PCDH15: variants seen among roughly 807,000 people sequenced by gnomAD.
The protein encoded by PCDH15 is protocadherin related 15.
A neutral mutation model predicts 178.5 loss-of-function variants in PCDH15; 129 were observed. That is an observed-to-expected ratio of 0.72 (90% CI 0.63 to 0.84). The LOEUF (loss-of-function observed/expected upper bound fraction) is 0.84, where lower values mean the gene tolerates loss of function less well. PCDH15 is among the 40% of genes least tolerant of loss of function. The pLI, the probability that PCDH15 is intolerant of heterozygous loss-of-function variation, is 0.00. For missense variants in PCDH15, 2,230 were observed against 2,099.9 expected, an observed-to-expected ratio of 1.06 and a Z score of -1.21; for synonymous variants, 800 against 732.0, an observed-to-expected ratio of 1.09 and a Z score of -1.50.
chr10:54,438,116 C>T (rs968266010), intron 3 of PCDH15, among the ~76,000 whole-genome samples: 2 of 151,928 alleles, frequency 1.3e-5, no homozygotes, highest in African/African-American at 4.8e-5. Flanking sequence ...AAACATTTTC[C>T]CTACCTGTTC....
At chr10:55,544,859 G>A (rs866807277) in intron 2 of PCDH15, among the ~76,000 whole-genome samples, 7 of 151,972 alleles carry the variant, frequency 4.6e-5, no homozygotes, top group Non-Finnish European at 1.0e-4. Flanking sequence ...TACACGTAAA[G>A]GTAAAGGAGG....
chr10:54,025,788 C>A (rs1254865410), intron 18 of PCDH15, among the ~76,000 whole-genome samples: 1 of 152,186 alleles, frequency 6.6e-6, no homozygotes, highest in African/African-American at 2.4e-5. Context: ...TGAGCCACTG[C>A]GCCTGGCCAT....
intron 8 of PCDH15, among the ~76,000 whole-genome samples, chr10:54,261,755 C>T (rs1202178068): frequency 2.0e-5 from 3 of 151,886 alleles, no homozygotes; most frequent in Non-Finnish European, 2.9e-5. Flanking sequence ...GGAGGAAGCA[C>T]AGAAAGTAAA....
intron 1 of PCDH15, among the ~76,000 whole-genome samples, chr10:55,275,711 T>A (rs866305626): frequency 3.3e-5 from 5 of 151,710 alleles, no homozygotes; most frequent in African/African-American, 9.7e-5. Flanking sequence ...CTCTCTTTTT[T>A]TTTTTTTCCT....
intron 16 of PCDH15, among the ~76,000 whole-genome samples, chr10:54,081,498 G>C (rs1361432905): frequency 6.6e-6 from 1 of 152,032 alleles, no homozygotes; most frequent in Non-Finnish European, 1.5e-5. Context: ...TAATACGCGG[G>C]CCTTGCGACT....
At chr10:54,752,773 G>C (rs1190690079) in intron 1 of PCDH15, among the ~76,000 whole-genome samples, 4 of 142,056 alleles carry the variant, frequency 2.8e-5, no homozygotes, top group African/African-American at 1.0e-4. Flanking sequence ...CCGTCAGGAA[G>C]GATTTGCACT....
Position 55,559,566 on chromosome 10 carries a change from G to C in PCDH15, c.-156+68059C>G, listed in dbSNP as rs574540994. 3.9e-5 allele frequency among the ~76,000 whole-genome samples: 6 copies of C among 152,062 alleles called. No individual in the cohort carries two copies. The South Asian group carries it at 1.2e-3, about 32-fold the overall frequency. On this transcript the variant is annotated intron_variant, in intron 2 of 5. Coordinates refer to the PCDH15 transcript ENST00000613346. ...CATTATTTACTTTATCACAAGTAAAGATAGTTAATAGGTTTGTTTTTACTA... is the reference window on the plus strand; with the variant it reads ...CATTATTTACTTTATCACAAGTAAACATAGTTAATAGGTTTGTTTTTACTA...
intron 1 of PCDH15, among the ~76,000 whole-genome samples, chr10:55,303,921 C>T (rs936806815): frequency 1.3e-5 from 2 of 152,086 alleles, no homozygotes; most frequent in African/African-American, 4.8e-5. Context: ...TTCCTTCATT[C>T]TGTTGCATAG....
At chr10:53,884,768 C>T (rs2080974060) in intron 26 of PCDH15, among the ~76,000 whole-genome samples, 2 of 152,088 alleles carry the variant, frequency 1.3e-5, no homozygotes, top group Admixed American at 6.6e-5. Flanking sequence ...ATTAGTGATG[C>T]TACTTCATTA....
intron 2 of PCDH15, among the ~76,000 whole-genome samples, chr10:55,146,480 A>C (rs931361523): frequency 6.6e-6 from 1 of 151,972 alleles, no homozygotes; most frequent in Non-Finnish European, 1.5e-5. Context: ...GCCTACGCTT[A>C]GTTGTCTTGT....
At chr10:54,298,471 C>A (rs1452136377) in intron 8 of PCDH15, among the ~76,000 whole-genome samples, 2 of 152,174 alleles carry the variant, frequency 1.3e-5, no homozygotes, top group Non-Finnish European at 2.9e-5. Context: ...GAAAATGGAG[C>A]AGGCCAATCA....
intron 3 of PCDH15, among the ~76,000 whole-genome samples, chr10:54,824,827 T>C (rs1341083610): frequency 1.3e-5 from 2 of 152,138 alleles, no homozygotes; most frequent in Non-Finnish European, 1.5e-5. Context: ...ATGTTATCTT[T>C]CTTTATTATC....
intron 11 of PCDH15, among the ~76,000 whole-genome samples, chr10:54,192,115 A>G (rs201712208): frequency 7.8e-6 from 1 of 128,454 alleles, no homozygotes; most frequent in Non-Finnish European, 1.6e-5. Context: ...AAGAAAAAAA[A>G]AAAAGAAAGA....
intron 2 of PCDH15, among the ~76,000 whole-genome samples, chr10:55,345,806 AT>A (rs1392343274): frequency 6.6e-6 from 1 of 151,870 alleles, no homozygotes; most frequent in Non-Finnish European, 1.5e-5. Flanking sequence ...TTTTGAGAGG[AT>A]TTTTTTCAAG....
chr10:54,872,677 T>A (rs1954060303), intron 3 of PCDH15, among the ~76,000 whole-genome samples: 1 of 152,100 alleles, frequency 6.6e-6, no homozygotes, highest in Non-Finnish European at 1.5e-5. Context: ...GATTTCCTCA[T>A]CAACAGCCTT....
chr10:55,488,925 A>C (rs1443034647), intron 2 of PCDH15, among the ~76,000 whole-genome samples: 3 of 151,534 alleles, frequency 2.0e-5, no homozygotes, highest in Admixed American at 2.0e-4. Flanking sequence ...TGCAATAAAA[A>C]GTGTTGTAAT....
intron 2 of PCDH15, among the ~76,000 whole-genome samples, chr10:55,055,888 T>C (rs563171793): frequency 6.6e-6 from 1 of 152,228 alleles, no homozygotes; most frequent in South Asian, 2.1e-4. Flanking sequence ...CAAATATATG[T>C]TTTGTTTTGA....
chr10:55,126,648 T>A (rs2132072430), intron 2 of PCDH15, among the ~76,000 whole-genome samples: 1 of 151,858 alleles, frequency 6.6e-6, no homozygotes, highest in South Asian at 2.1e-4. Context: ...AAAAGAAAAA[T>A]TGTAGACCAA....
At chr10:54,896,277 A>G (rs1277499949) in intron 3 of PCDH15, among the ~76,000 whole-genome samples, 1 of 152,216 alleles carries the variant, frequency 6.6e-6, no homozygotes, top group African/African-American at 2.4e-5. Context: ...TCAATTAGAA[A>G]CATGCATTGA....
Sources: allele counts gnomAD v4.1 joint callset (sites outside exome capture counted in the v4.1 genomes callset), GRCh38; gene constraint gnomAD v4.1.1; transcripts MANE v1.5; gene names NCBI Gene and HGNC (gene_info 2026-07-23, HGNC 2026-07-21).